Variants in NEK11 observed in about 807,000 individuals in gnomAD.
The protein encoded by NEK11 is serine/threonine-protein kinase Nek11.
Under a neutral mutation model 80.7 loss-of-function variants are expected in NEK11, and 72 were observed. The ratio of observed to expected loss-of-function variants is 0.89; its 90% confidence interval spans 0.74 to 1.08. The LOEUF is 1.08. Ranked by LOEUF, NEK11 falls within the 50% of genes least tolerant of loss-of-function variation. The pLI is 0.00. For missense variants in NEK11, 764 were observed against 763.6 expected, an observed-to-expected ratio of 1.00 and a Z score of -0.01; for synonymous variants, 251 against 260.7, an observed-to-expected ratio of 0.96 and a Z score of 0.36.
intron 17 of NEK11, among the ~76,000 whole-genome samples, chr3:131,307,231 C>T (rs1008846744): frequency 1.1e-4 from 16 of 152,148 alleles, no homozygotes; most frequent in Non-Finnish European, 2.2e-4. Context: ...ATAAACCAAA[C>T]CCTCAATAAA....
At chr3:131,074,261 A>C (rs2073956021) in intron 3 of NEK11, among the ~76,000 whole-genome samples, 1 of 152,126 alleles carries the variant, frequency 6.6e-6, no homozygotes, top group Admixed American at 6.6e-5. Context: ...CCTCATGCTT[A>C]TTTTAAAGAT....
chr3:131,257,212 T>C (rs1336232376), intron 16 of NEK11, among the ~76,000 whole-genome samples: 1 of 151,554 alleles, frequency 6.6e-6, no homozygotes, highest in Admixed American at 6.6e-5. Context: ...CTCAGGCTGG[T>C]CTTGAACCCC....
At chr3:131,133,248 C>T (rs751570730) in intron 6 of NEK11, 3 of 455,056 alleles carry the variant, frequency 6.6e-6, no homozygotes, top group South Asian at 4.7e-5. Flanking sequence ...ACCTTTAGTT[C>T]TTCAGAACTG....
intron 14 of NEK11, among the ~76,000 whole-genome samples, chr3:131,180,779 A>G (rs2093302981): frequency 6.6e-6 from 1 of 152,172 alleles, no homozygotes; most frequent in African/African-American, 2.4e-5. Context: ...CTATTTTAAG[A>G]TGCATCTCCA....
chr3:131,161,012 G>A (rs981093645), intron 10 of NEK11, among the ~76,000 whole-genome samples: 2 of 151,920 alleles, frequency 1.3e-5, no homozygotes, highest in South Asian at 2.1e-4. Context: ...GTGAAACCCC[G>A]TCTCTACTAA....
rs142427793 is a variant in NEK11, at chr3:131,218,786, G to A, written c.1400-9742G>A. Among the ~76,000 whole-genome samples the A allele has an allele frequency of 7.4e-4, 112 of 152,256 alleles. 1 individual carries two copies. The highest frequency in any genetic ancestry group is 5.6e-3 in the East Asian group (29 of 5,186). Reference sequence around the variant, plus strand: ...GTATCTCATTGTGGTTTTGATTTGCGTTTCTCTAATGACCAGTGATGATGA... The same window carrying A: ...GTATCTCATTGTGGTTTTGATTTGCATTTCTCTAATGACCAGTGATGATGA... On this transcript the variant is annotated intron_variant, in intron 14 of 17. Transcript: ENST00000383366.
At chr3:131,129,861 G>A (rs1255978483) in intron 5 of NEK11, among the ~76,000 whole-genome samples, 1 of 151,970 alleles carries the variant, frequency 6.6e-6, no homozygotes, top group African/African-American at 2.4e-5. Context: ...CTTGACATCA[G>A]GTAGTATCAG....
intron 14 of NEK11, among the ~76,000 whole-genome samples, chr3:131,199,462 A>G (rs1028329910): frequency 3.9e-5 from 6 of 152,180 alleles, no homozygotes; most frequent in Non-Finnish European, 7.4e-5. Flanking sequence ...GGACTTTTAT[A>G]CATTGTTGGT....
At chr3:131,325,651 AACAG>A (rs2096955630) in intron 17 of NEK11, 1 of 152,178 alleles carries the variant, frequency 6.6e-6, no homozygotes, top group South Asian at 2.1e-4. Context: ...GCAAATTAGG[AACAG>A]TCACCATAAT....
Position 131,135,589 on chromosome 3 carries a change from C to G in NEK11, c.647+1633C>G, listed in dbSNP as rs1003609907. Among the ~76,000 whole-genome samples, 3 of 152,128 alleles carry G rather than the reference C, an allele frequency of 2.0e-5. No individual in the cohort carries two copies. The South Asian group carries it at 6.2e-4, about 31-fold the overall frequency. ...CTTGCTTCTTTTGGAGTCCCTTTCT[C>G]TAGTTTGAGAAATCAATTTTGGGCT... On this transcript the variant is annotated intron_variant, in intron 7 of 17. Coordinates refer to ENST00000383366, the MANE Select transcript of NEK11 (RefSeq NM_024800.5).
chr3:131,330,089 G>A (rs552422303), intron 17 of NEK11: 2 of 152,140 alleles, frequency 1.3e-5, no homozygotes, highest in Non-Finnish European at 2.9e-5. Flanking sequence ...GAAGTGTTGG[G>A]ATCCTAGTTA....
At chr3:131,118,326 A>T (rs572485295) in intron 5 of NEK11, among the ~76,000 whole-genome samples, 1 of 152,212 alleles carries the variant, frequency 6.6e-6, no homozygotes, top group Non-Finnish European at 1.5e-5. Context: ...GATGAAGCCA[A>T]CTTGATCGTG....
intron 16 of NEK11, 43 bp downstream of exon 16, chr3:131,243,539 T>C (rs374492197): frequency 2.9e-5 from 43 of 1,485,420 alleles, no homozygotes; most frequent in Non-Finnish European, 3.9e-5. Flanking sequence ...TGACAGCTAC[T>C]GATTATCTTG....
chr3:131,031,918 G>A (rs2064910906), intron 3 of NEK11, among the ~76,000 whole-genome samples: 1 of 151,842 alleles, frequency 6.6e-6, no homozygotes, highest in Non-Finnish European at 1.5e-5. Context: ...GCTTTCAGAT[G>A]TCTTTTGTTT....
At position 131,317,903 on chromosome 3, in the gene NEK11, G is replaced by A. The variant is rs748025478; in HGVS notation, c.1719-31654G>A. 3.2e-4 allele frequency among the ~76,000 whole-genome samples: 46 copies of A among 143,706 alleles called. 1 individual carries two copies. The highest frequency in any genetic ancestry group is 4.6e-4 in the Non-Finnish European group (30 of 65,840). The allele number at this position is 143,706 out of a possible 152,430, so 94.3% of individuals were successfully genotyped here. A position where few individuals can be genotyped will look rare whatever the true frequency, so the allele number is the denominator to read the frequency against. On this transcript the variant is annotated intron_variant, in intron 17 of 17. Coordinates refer to ENST00000383366, the MANE Select transcript of NEK11 (RefSeq NM_024800.5). The stretch of plus-strand genomic sequence containing the variant: ...TCATTTTTAAACAAGTTCCCCAGAT[G>A]AGAAAATCATATCCAAACTGTCCGT...
chr3:131,096,700 G>T (rs2077480450), intron 4 of NEK11, among the ~76,000 whole-genome samples: 1 of 151,442 alleles, frequency 6.6e-6, no homozygotes, highest in African/African-American at 2.4e-5. Context: ...GTTGTTTTTT[G>T]ACTTTTTATT....
chr3:131,145,785 A>G (rs1039738043), intron 7 of NEK11, among the ~76,000 whole-genome samples: 2 of 152,112 alleles, frequency 1.3e-5, no homozygotes, highest in Admixed American at 6.6e-5. Context: ...GGAACCTTGA[A>G]CAATTTACCT....
At chr3:131,259,576 AAGG>A (rs1411446216) in intron 16 of NEK11, among the ~76,000 whole-genome samples, 2 of 152,122 alleles carry the variant, frequency 1.3e-5, no homozygotes, top group Non-Finnish European at 2.9e-5. Flanking sequence ...CTGTGGACAG[AAGG>A]AGAAGGATGC....
At chr3:131,058,565 C>T (rs2148777759) in intron 3 of NEK11, among the ~76,000 whole-genome samples, 1 of 152,246 alleles carries the variant, frequency 6.6e-6, no homozygotes, top group Middle Eastern at 3.4e-3. Context: ...GGTGTAATAT[C>T]TAGATACTGC....
Sources: gnomAD v4.1 joint callset for allele counts (sites outside exome capture counted in the v4.1 genomes callset) on GRCh38, gnomAD v4.1.1 for gene constraint, MANE v1.5 for transcripts, NCBI Gene and HGNC (gene_info 2026-07-23, HGNC 2026-07-21) for gene names.